Variants in DSCAML1 observed in about 807,000 individuals in gnomAD.
The protein encoded by DSCAML1 is DS cell adhesion molecule like 1, also known as cell adhesion molecule DSCAML1.
DSCAML1 carries 38 observed loss-of-function variants against 200.5 expected under a neutral mutation model. The ratio of observed to expected loss-of-function variants is 0.19; its 90% CI spans 0.15 to 0.25. The LOEUF (loss-of-function observed/expected upper bound fraction) is 0.25. Among genes scored for constraint, DSCAML1 ranks in the 10% least tolerant of loss-of-function variants. The pLI, the probability that DSCAML1 is intolerant of heterozygous loss-of-function variation, is 1.00. For missense variants in DSCAML1, 2,223 were observed against 2,858.8 expected (o/e 0.78, Z 5.07); for synonymous variants, 1,215 against 1,165.0 (o/e 1.04, Z -0.87).
At chr11:117,746,040 C>T (rs1299520774) in intron 3 of DSCAML1, among the ~76,000 whole-genome samples, 2 of 151,282 alleles carry the variant, frequency 1.3e-5, no homozygotes, top group Admixed American at 1.3e-4. Context: ...AAGTAAAACC[C>T]TGTCTCTACT....
intron 3 of DSCAML1, among the ~76,000 whole-genome samples, chr11:117,539,991 AG>A (rs2137362959): frequency 6.6e-6 from 1 of 152,368 alleles, no homozygotes; most frequent in South Asian, 2.1e-4. Context: ...ATGCGTCTTG[AG>A]GACATTATCC....
At chr11:117,497,364 G>A (rs2049308373) in intron 11 of DSCAML1, among the ~76,000 whole-genome samples, 1 of 152,152 alleles carries the variant, frequency 6.6e-6, no homozygotes, top group Non-Finnish European at 1.5e-5. Context: ...CCTGCAGCTG[G>A]CTCAGGGCTG....
In DSCAML1 at chr11:117,519,583, G is replaced by A. The variant is rs550131642; in HGVS notation, c.1214-821C>T. Among the ~76,000 whole-genome samples the A allele has an allele frequency of 3.3e-5, 5 of 152,348 alleles. 1 individual carries two copies. The South Asian group carries it at 1.0e-3, about 32-fold the overall frequency. On this transcript the variant is annotated intron_variant, in intron 6 of 32. Coordinates refer to ENST00000651296, the MANE Select transcript of DSCAML1 (RefSeq NM_020693.4). ...GCTTGTAATCTCAGCACTCTGGGAG[G>A]CTGAGATGGGAGGACTGCTTGAACC...
At chr11:117,617,640 A>C (rs970685934) in intron 3 of DSCAML1, among the ~76,000 whole-genome samples, 1 of 151,368 alleles carries the variant, frequency 6.6e-6, no homozygotes, top group Non-Finnish European at 1.5e-5. Flanking sequence ...AAAAAACAAC[A>C]ACCCACAACA....
intron 3 of DSCAML1, among the ~76,000 whole-genome samples, chr11:117,639,369 C>T (rs865984756): frequency 3.0e-3 from 222 of 73,482 alleles, no homozygotes; most frequent in South Asian, 0.024. Context: ...GATGGGAGGC[C>T]GGATGGGTAG....
chr11:117,542,694 T>C (rs113737462), intron 3 of DSCAML1, among the ~76,000 whole-genome samples: 1 of 152,252 alleles, frequency 6.6e-6, no homozygotes. Context: ...CTGAAATGCC[T>C]ATCAAATACT....
chr11:117,483,093 C>T (rs541039425), intron 11 of DSCAML1, among the ~76,000 whole-genome samples: 2 of 152,326 alleles, frequency 1.3e-5, no homozygotes, highest in South Asian at 2.1e-4. Context: ...TGTCAATCAC[C>T]GGCCCCTCCT....
intron 1 of DSCAML1, among the ~76,000 whole-genome samples, chr11:117,804,193 G>A (rs1199916709): frequency 1.3e-5 from 2 of 152,234 alleles, no homozygotes; most frequent in Admixed American, 6.5e-5. Flanking sequence ...GGACAGTGAG[G>A]CTGAACAAAG....
intron 3 of DSCAML1, among the ~76,000 whole-genome samples, chr11:117,591,131 G>GTATT (rs1565811748): frequency 6.6e-6 from 1 of 152,072 alleles, no homozygotes; most frequent in Non-Finnish European, 1.5e-5. Context: ...AGAAGAGGGG[G>GTATT]TATTTAGAAC....
intron 3 of DSCAML1, among the ~76,000 whole-genome samples, chr11:117,732,856 C>T (rs1413333298): frequency 1.3e-5 from 2 of 151,886 alleles, no homozygotes; most frequent in Non-Finnish European, 2.9e-5. Flanking sequence ...GGGAGGAGGG[C>T]CACACTTTCT....
At chr11:117,455,383 T>C (rs1420696667) in intron 19 of DSCAML1, among the ~76,000 whole-genome samples, 2 of 152,214 alleles carry the variant, frequency 1.3e-5, no homozygotes, top group East Asian at 3.8e-4. Flanking sequence ...AGAATTACCT[T>C]CCTAAAACAT....
chr11:117,513,469 G>A (rs532268214), intron 8 of DSCAML1, among the ~76,000 whole-genome samples: 65 of 152,222 alleles, frequency 4.3e-4, no homozygotes, highest in African/African-American at 1.3e-3. Context: ...ATCCGGGAGC[G>A]GTGGCTCATG....
At chr11:117,604,324 C>T (rs530903313) in intron 3 of DSCAML1, among the ~76,000 whole-genome samples, 7 of 151,208 alleles carry the variant, frequency 4.6e-5, no homozygotes, top group Middle Eastern at 3.4e-3. Context: ...CCTTTGTCAC[C>T]GAGAAAGGGT....
At chr11:117,753,177 G>A (rs1174642878) in intron 3 of DSCAML1, among the ~76,000 whole-genome samples, 1 of 152,240 alleles carries the variant, frequency 6.6e-6, no homozygotes, top group Non-Finnish European at 1.5e-5. Context: ...CAGGGTTGTT[G>A]TTGGGATTAA....
At position 117,476,448 on chromosome 11, in the gene DSCAML1, C is replaced by T. The variant is rs575746198; in HGVS notation, c.2785+3995G>A. Among the ~76,000 whole-genome samples, 26 of 152,308 alleles carry T rather than the reference C, an allele frequency of 1.7e-4. No homozygotes were observed. The South Asian group carries it at 3.1e-3, about 18-fold the overall frequency. On this transcript the variant is annotated intron_variant, in intron 14 of 32. Transcript: ENST00000651296. The stretch of plus-strand genomic sequence containing the variant: ...CCTCCTGCGTCACAACGACAGCTCA[C>T]GACATCTCAACACCAGTCCCTCTGA...
rs745419353 is a variant in DSCAML1 at position 117,458,830 on chromosome 11, G to A, written c.3492C>T (p.Ser1164=). 7.4e-6 allele frequency: 12 copies of A among 1,613,912 alleles called. No homozygotes were observed. The African/African-American group carries it at 9.3e-5, about 13-fold the overall frequency. ...LRGMEKFTNY[S]VQVLAYTQAG... Reference sequence around the variant, plus strand: ...CCTGGGTGTAGGCCAGCACCTGGACGCTGTAGTTGGTGAACTTCTCCATGC... The same window carrying A: ...CCTGGGTGTAGGCCAGCACCTGGACACTGTAGTTGGTGAACTTCTCCATGC... The change falls in exon 19 of 33, where the codon AGC becomes AGT. Residue 1164 remains serine, a synonymous_variant. Transcript: ENST00000651296.
intron 1 of DSCAML1, among the ~76,000 whole-genome samples, chr11:117,804,571 T>C (rs12364667): frequency 6.6e-6 from 1 of 152,148 alleles, no homozygotes; most frequent in Non-Finnish European, 1.5e-5. Flanking sequence ...CGTATCTTTT[T>C]TCTTTTCTGA....
intron 2 of DSCAML1, among the ~76,000 whole-genome samples, chr11:117,778,085 G>T (rs772738589): frequency 3.9e-5 from 6 of 152,204 alleles, no homozygotes; most frequent in Non-Finnish European, 8.8e-5. Context: ...GCATCATCAA[G>T]AGTCTCTTAA....
At chr11:117,457,416 G>A (rs2048393385) in intron 19 of DSCAML1, among the ~76,000 whole-genome samples, 1 of 152,204 alleles carries the variant, frequency 6.6e-6, no homozygotes, top group Admixed American at 6.5e-5. Flanking sequence ...AGAAGGCTGG[G>A]GGCCCCAGGG....
Sources: gnomAD v4.1 joint callset for allele counts (sites outside exome capture counted in the v4.1 genomes callset) on GRCh38, gnomAD v4.1.1 for gene constraint, MANE v1.5 for transcripts, NCBI Gene and HGNC (gene_info 2026-07-23, HGNC 2026-07-21) for gene names.